The following TEAD1 variants were observed in gnomAD, a reference collection of about 807,000 sequenced individuals.
TEAD1 encodes the protein transcriptional enhancer factor TEF-1.
A neutral mutation model predicts 54.9 loss-of-function variants in TEAD1; 9 were observed. The ratio of observed to expected loss-of-function variants is 0.16; its 90% CI spans 0.10 to 0.29. The LOEUF is 0.29. TEAD1 is among the 10% of genes least tolerant of loss of function. TEAD1 has a pLI of 1.00. For missense variants in TEAD1, 387 were observed against 535.9 expected (o/e 0.72, Z 2.74); for synonymous variants, 200 against 187.8 (o/e 1.07, Z -0.53).
intron 2 of TEAD1, among the ~76,000 whole-genome samples, chr11:12,753,998 C>G (rs1471413807): frequency 6.6e-6 from 1 of 152,134 alleles, no homozygotes; most frequent in African/African-American, 2.4e-5. Context: ...TTTCTTTACT[C>G]AGGGTAATGC....
chr11:12,752,284 A>G (rs1006526641), intron 2 of TEAD1, among the ~76,000 whole-genome samples: 8 of 144,106 alleles, frequency 5.6e-5, no homozygotes, highest in African/African-American at 2.1e-4. Flanking sequence ...CAACTTACAT[A>G]CAGAAAAGGG....
At chr11:12,837,842 G>C (rs560976108) in intron 3 of TEAD1, among the ~76,000 whole-genome samples, 3 of 112,380 alleles carry the variant, frequency 2.7e-5, no homozygotes, top group African/African-American at 1.2e-4. Context: ...TGCCCTTGTT[G>C]CCCAGGCTAG....
intron 2 of TEAD1, among the ~76,000 whole-genome samples, chr11:12,702,389 A>G (rs1049186342): frequency 6.6e-6 from 1 of 152,200 alleles, no homozygotes; most frequent in African/African-American, 2.4e-5. Context: ...CTCCCTCTTT[A>G]TAGCTTCATG....
chr11:12,849,891 A>G (rs1947234919), intron 3 of TEAD1, among the ~76,000 whole-genome samples: 1 of 152,224 alleles, frequency 6.6e-6, no homozygotes, highest in African/African-American at 2.4e-5. Flanking sequence ...ATGTTAAGAT[A>G]TCACAATAAG....
At chr11:12,870,988 A>C (rs1195762289) in intron 5 of TEAD1, among the ~76,000 whole-genome samples, 5 of 152,154 alleles carry the variant, frequency 3.3e-5, no homozygotes, top group African/African-American at 1.2e-4. Context: ...TAGTGATGGG[A>C]GTGCTATGTG....
At chr11:12,780,118 A>G (rs1035871701) in intron 3 of TEAD1, among the ~76,000 whole-genome samples, 2 of 152,186 alleles carry the variant, frequency 1.3e-5, no homozygotes, top group Non-Finnish European at 2.9e-5. Flanking sequence ...GTCAAACTAT[A>G]CTGTCTCTAT....
chr11:12,810,137 C>T (rs550886886), intron 3 of TEAD1, among the ~76,000 whole-genome samples: 17 of 151,968 alleles, frequency 1.1e-4, no homozygotes, highest in Non-Finnish European at 2.5e-4. Context: ...CACACCACCA[C>T]GCCTGGCTAA....
chr11:12,709,804 C>A (rs1234133104), intron 2 of TEAD1, among the ~76,000 whole-genome samples: 1 of 152,138 alleles, frequency 6.6e-6, no homozygotes, highest in African/African-American at 2.4e-5. Context: ...GCTGGGATTG[C>A]AGTTGTGAGT....
At chr11:12,900,967 G>A (rs1468945749) in intron 9 of TEAD1, among the ~76,000 whole-genome samples, 1 of 152,192 alleles carries the variant, frequency 6.6e-6, no homozygotes, top group Non-Finnish European at 1.5e-5. Context: ...AGGCATGCCC[G>A]AAGAGTCTGG....
intron 3 of TEAD1, among the ~76,000 whole-genome samples, chr11:12,788,239 C>T (rs1463749872): frequency 6.6e-6 from 1 of 151,672 alleles, no homozygotes; most frequent in Non-Finnish European, 1.5e-5. Flanking sequence ...TGGGTTCAAG[C>T]AATTCCCCTG....
intron 3 of TEAD1, among the ~76,000 whole-genome samples, chr11:12,827,556 TG>T (rs1946681658): frequency 6.6e-6 from 1 of 152,234 alleles, no homozygotes; most frequent in African/African-American, 2.4e-5. Flanking sequence ...ATACAGCTCT[TG>T]AGAGACAGCA....
intron 10 of TEAD1, among the ~76,000 whole-genome samples, chr11:12,924,185 A>G (rs986393558): frequency 6.6e-6 from 1 of 152,160 alleles, no homozygotes; most frequent in Admixed American, 6.5e-5. Flanking sequence ...CTGTACCCCC[A>G]GCCTTCCCTG....
chr11:12,753,792 C>T (rs890480686), intron 2 of TEAD1, among the ~76,000 whole-genome samples: 1 of 152,112 alleles, frequency 6.6e-6, no homozygotes, highest in African/African-American at 2.4e-5. Flanking sequence ...CTTTTGTGTT[C>T]CTTTAAAGTA....
At position 12,940,270 on chromosome 11, in the gene TEAD1, C is replaced by T. The variant is rs1949147930; in HGVS notation, c.*3048C>T. ...CATTGACATTTTGGACTGGGTAATTCTTTGTTCTGCAGAGCTGTCCTTTGC... is the reference window on the plus strand; with the variant it reads ...CATTGACATTTTGGACTGGGTAATTTTTTGTTCTGCAGAGCTGTCCTTTGC... On this transcript the variant is annotated 3_prime_UTR_variant, in exon 13 of 13. Transcript: ENST00000527636. The T allele has an allele frequency of 6.6e-6, 1 of 152,244 alleles. No individual in the cohort carries two copies. The highest frequency in any genetic ancestry group is 1.5e-5 in the Non-Finnish European group (1 of 68,084). The allele number at this position is 152,244 out of a possible 1,614,324, so 9.4% of individuals were successfully genotyped here.
At chr11:12,686,685 A>T (rs1263081440) in intron 2 of TEAD1, among the ~76,000 whole-genome samples, 1 of 152,046 alleles carries the variant, frequency 6.6e-6, no homozygotes. Flanking sequence ...TCTGAGGGAG[A>T]CTGTGTAATG....
At chr11:12,849,462 C>T (rs1046922664) in intron 3 of TEAD1, 1 of 152,048 alleles carries the variant, frequency 6.6e-6, no homozygotes, top group African/African-American at 2.4e-5. Flanking sequence ...AATGTTATTC[C>T]TTCTCATCAT....
intron 10 of TEAD1, among the ~76,000 whole-genome samples, chr11:12,921,584 C>A (rs1564991310): frequency 1.3e-5 from 2 of 151,196 alleles, no homozygotes; most frequent in African/African-American, 4.9e-5. Context: ...CAGGCTACAT[C>A]ATAATAATAA....
At chr11:12,877,242 C>T (rs1947869474) in intron 5 of TEAD1, among the ~76,000 whole-genome samples, 1 of 152,216 alleles carries the variant, frequency 6.6e-6, no homozygotes, top group Non-Finnish European at 1.5e-5. Context: ...CTTGGAGTGT[C>T]ACTCGGCCAC....
chr11:12,882,065 C>A, intron 8 of TEAD1, 108 bp downstream of exon 8: 1 of 1,205,686 alleles, frequency 8.3e-7, no homozygotes, highest in Non-Finnish European at 1.2e-6. Context: ...GCCACAGCCG[C>A]ACATTGCCCC....
Sources: gnomAD v4.1 joint callset for allele counts (sites outside exome capture counted in the v4.1 genomes callset) on GRCh38, gnomAD v4.1.1 for gene constraint, MANE v1.5 for transcripts, NCBI Gene and HGNC (gene_info 2026-07-23, HGNC 2026-07-21) for gene names.